GFOD1: variants seen among roughly 807,000 people sequenced by gnomAD.
GFOD1 encodes Gfo/Idh/MocA-like oxidoreductase domain containing 1.
GFOD1 carries 9 observed loss-of-function variants against 25.4 expected under a neutral mutation model. That is an observed-to-expected ratio of 0.35 (90% CI 0.21 to 0.62). The LOEUF is 0.62. Among genes scored for constraint, GFOD1 ranks in the 20% least tolerant of loss-of-function variants. GFOD1 has a pLI of 0.72. For missense variants in GFOD1, 403 were observed against 556.9 expected, an observed-to-expected ratio of 0.72 and a Z score of 2.78; for synonymous variants, 253 against 245.6, an observed-to-expected ratio of 1.03 and a Z score of -0.28.
At chr6:13,394,964 G>C (rs1405485713) in intron 1 of GFOD1, among the ~76,000 whole-genome samples, 2 of 152,016 alleles carry the variant, frequency 1.3e-5, no homozygotes, top group Admixed American at 6.6e-5. Flanking sequence ...AAAAAATTTT[G>C]TAGAGATAGG....
intron 1 of GFOD1, among the ~76,000 whole-genome samples, chr6:13,414,039 T>C (rs1030258023): frequency 6.6e-5 from 10 of 152,236 alleles, no homozygotes; most frequent in Admixed American, 2.0e-4. Context: ...ATCACGTTTA[T>C]TCTAAAAACA....
chr6:13,428,822 C>T (rs553843909), intron 1 of GFOD1, among the ~76,000 whole-genome samples: 7 of 152,316 alleles, frequency 4.6e-5, no homozygotes, highest in Non-Finnish European at 1.0e-4. Context: ...GGCCCTCCAT[C>T]AGAAGCGGAC....
In GFOD1 at chr6:13,485,244, GAGAA is replaced by G. The variant is rs1162712342; in HGVS notation, c.253+1390_253+1393del. On this transcript the variant is annotated intron_variant, in intron 1 of 1. Transcript: ENST00000379287. ...GGCCTGATGAAAATGCCTTTCTATG[GAGAA>G]AGAGTTTTACATTCTGTTCATAGCT... Among the ~76,000 whole-genome samples the G allele has an allele frequency of 9.2e-5, 14 of 152,292 alleles. No individual in the cohort carries two copies. In the East Asian group the frequency reaches 2.5e-3, roughly 27 times the overall value.
At chr6:13,395,352 A>G (rs1188923865) in intron 1 of GFOD1, among the ~76,000 whole-genome samples, 1 of 152,198 alleles carries the variant, frequency 6.6e-6, no homozygotes, top group African/African-American at 2.4e-5. Flanking sequence ...ATCTCCCAAG[A>G]GGCACTGGAT....
intron 1 of GFOD1, among the ~76,000 whole-genome samples, chr6:13,479,384 G>T (rs938681858): frequency 6.6e-6 from 1 of 152,148 alleles, no homozygotes; most frequent in Admixed American, 6.5e-5. Flanking sequence ...CTGAGGCTCA[G>T]GAAGGATGAT....
At chr6:13,429,830 A>G (rs1757717857) in intron 1 of GFOD1, among the ~76,000 whole-genome samples, 1 of 152,218 alleles carries the variant, frequency 6.6e-6, no homozygotes, top group Non-Finnish European at 1.5e-5. Context: ...ATAGATATGT[A>G]ATATATACAT....
At position 13,483,328 on chromosome 6, in the gene GFOD1, C is replaced by T. The variant is rs150196859; in HGVS notation, c.253+3310G>A. Among the ~76,000 whole-genome samples the T allele has an allele frequency of 2.0e-4, 31 of 152,140 alleles. No homozygotes were observed. The South Asian group carries it at 2.3e-3, about 11-fold the overall frequency. On this transcript the variant is annotated intron_variant, in intron 1 of 1. Coordinates refer to ENST00000379287, the MANE Select transcript of GFOD1 (RefSeq NM_018988.4). ...TTCCTGACAGAGACCTGGACATGTG[C>T]GCCAACAGGGCCCATTCAAGGAAAC...
chr6:13,409,088 G>GAAAA (rs1554201853), intron 1 of GFOD1, among the ~76,000 whole-genome samples: 3,628 of 36,664 alleles, frequency 0.099, 462 homozygotes, highest in Middle Eastern at 0.14. Flanking sequence ...CCATCAGAAA[G>GAAAA]GAAAGAAAGA....
intron 1 of GFOD1, among the ~76,000 whole-genome samples, chr6:13,377,275 C>G (rs149045679): frequency 6.6e-6 from 1 of 152,172 alleles, no homozygotes; most frequent in African/African-American, 2.4e-5. Context: ...ACAAACTGAG[C>G]AGCTTAAAAC....
chr6:13,436,554 G>A (rs1757836088), intron 1 of GFOD1, among the ~76,000 whole-genome samples: 1 of 152,316 alleles, frequency 6.6e-6, no homozygotes, highest in South Asian at 2.1e-4. Context: ...ATAGTGTGTT[G>A]TATTAATATG....
intron 1 of GFOD1, among the ~76,000 whole-genome samples, chr6:13,423,727 T>C (rs1383315259): frequency 6.6e-6 from 1 of 152,234 alleles, no homozygotes; most frequent in African/African-American, 2.4e-5. Context: ...TCCCACTACA[T>C]GGCCCTACAT....
intron 1 of GFOD1, among the ~76,000 whole-genome samples, chr6:13,477,111 C>T (rs955617151): frequency 9.2e-5 from 14 of 152,098 alleles, no homozygotes; most frequent in East Asian, 1.9e-4. Context: ...TCTCCACCGA[C>T]GCGTCTTCCA....
intron 1 of GFOD1, among the ~76,000 whole-genome samples, chr6:13,438,879 A>G (rs894205367): frequency 1.3e-5 from 2 of 152,332 alleles, no homozygotes; most frequent in Middle Eastern, 3.4e-3. Context: ...GTTAGCTGGT[A>G]ATGTTCTGAG....
Position 13,428,164 on chromosome 6 carries a change from T to G in GFOD1, c.253+58474A>C, listed in dbSNP as rs143279283. On this transcript the variant is annotated intron_variant, in intron 1 of 1. Coordinates refer to ENST00000379287, the MANE Select transcript of GFOD1 (RefSeq NM_018988.4). The stretch of plus-strand genomic sequence containing the variant: ...TCTTTTCTATCAACCATGTGTGAAT[T>G]TTGAACTCCTTTTCTTCTCAGTGTT... Among the ~76,000 whole-genome samples the G allele has an allele frequency of 3.3e-5, 5 of 152,224 alleles. No homozygotes were observed. The East Asian group carries it at 9.6e-4, about 29-fold the overall frequency.
intron 1 of GFOD1, among the ~76,000 whole-genome samples, chr6:13,479,566 T>A (rs769492208): frequency 2.2e-4 from 33 of 152,328 alleles, no homozygotes; most frequent in Non-Finnish European, 4.0e-4. Context: ...CCTTAAAACA[T>A]GCTATTGACT....
intron 1 of GFOD1, among the ~76,000 whole-genome samples, chr6:13,454,276 G>GA (rs1374581214): frequency 1.3e-5 from 2 of 152,064 alleles, no homozygotes; most frequent in African/African-American, 2.4e-5. Context: ...CTCCAGAACT[G>GA]AAAAAAATTA....
chr6:13,409,365 G>GAGGAAGGAAGGA (rs56336626), intron 1 of GFOD1, among the ~76,000 whole-genome samples: 12 of 140,436 alleles, frequency 8.5e-5, no homozygotes, highest in African/African-American at 7.8e-5. Context: ...GAAAGAGACA[G>GAGGAAGGAAGGA]AGGAAGGAAG....
Position 13,363,555 on chromosome 6 carries a change from C to CTTTTTTTTTTT in GFOD1, c.*1177_*1187dup, listed in dbSNP as rs72062296. On this transcript the variant is annotated 3_prime_UTR_variant, in exon 2 of 2. Transcript: ENST00000379287. ...GCAAATGCTGGAGCTAAGGAAAATC[C>CTTTTTTTTTTT]TTTTTTTTTTTTTTTTTTTTTTTTT... 3.3e-4 allele frequency: 26 copies of CTTTTTTTTTTT among 78,970 alleles called. No individual in the cohort carries two copies. Among genetic ancestry groups the CTTTTTTTTTTT allele is most frequent in the African/African-American group, 1.1e-3 (23 of 21,198 alleles). 4.9% of individuals were successfully genotyped at this position (78,970 alleles called of 1,614,324 possible).
chr6:13,451,810 G>A (rs1758103693), intron 1 of GFOD1, among the ~76,000 whole-genome samples: 1 of 152,204 alleles, frequency 6.6e-6, no homozygotes. Flanking sequence ...CACCACGGGA[G>A]TGAGGGTTTC....
Sources: allele counts gnomAD v4.1 joint callset (sites outside exome capture counted in the v4.1 genomes callset), GRCh38; gene constraint gnomAD v4.1.1; transcripts MANE v1.5; gene names NCBI Gene and HGNC (gene_info 2026-07-23, HGNC 2026-07-21).